PPP3CA: variants seen among roughly 807,000 people sequenced by gnomAD.
PPP3CA encodes the protein CAM-PRP catalytic subunit.
PPP3CA carries 14 observed loss-of-function variants against 66.5 expected under a neutral mutation model. The observed-to-expected ratio is 0.21, with a 90% CI of 0.14 to 0.33. The LOEUF (loss-of-function observed/expected upper bound fraction) is 0.33, where lower values mean the gene tolerates loss of function less well. PPP3CA is among the 10% of genes least tolerant of loss of function. PPP3CA has a pLI of 1.00. For missense variants in PPP3CA, 317 were observed against 639.5 expected, an observed-to-expected ratio of 0.50 and a Z score of 5.44; for synonymous variants, 232 against 226.2, an observed-to-expected ratio of 1.03 and a Z score of -0.23.
At chr4:101,124,707 AAGAAAGAAAGAAAGAAAGAG>A (rs1560614356) in intron 2 of PPP3CA, among the ~76,000 whole-genome samples, 4 of 105,134 alleles carry the variant, frequency 3.8e-5, no homozygotes, top group African/African-American at 1.2e-4. Flanking sequence ...GAAAGAAAGA[AAGAAAGAAAGAAAGAAAGAG>A]AAAGAAAGAA....
chr4:101,339,395 AAGAC>A (rs916542767), intron 1 of PPP3CA, among the ~76,000 whole-genome samples: 1 of 152,222 alleles, frequency 6.6e-6, no homozygotes, highest in African/African-American at 2.4e-5. Flanking sequence ...TAAAAACTGA[AAGAC>A]AGCTGTCAGG....
chr4:101,107,003 C>T (rs1730783823), intron 3 of PPP3CA, among the ~76,000 whole-genome samples: 1 of 152,144 alleles, frequency 6.6e-6, no homozygotes, highest in African/African-American at 2.4e-5. Context: ...GACACCAGTC[C>T]TAATGTGATA....
rs1159093287 is a variant in PPP3CA, at chr4:101,196,193, C to T, written c.59-77G>A. The T allele has an allele frequency of 4.6e-6, 6 of 1,309,202 alleles. No homozygotes were observed. In the African/African-American group the frequency reaches 7.4e-5, roughly 16 times the overall value. The allele number at this position is 1,309,202 out of a possible 1,614,324, so 81.1% of individuals were successfully genotyped here. A position where few individuals can be genotyped will look rare whatever the true frequency, so the allele number is the denominator to read the frequency against. ...AATGCAATAATAACCACCAAATATC[C>T]ATCCTCATCACAAACCAACTAATAT... On this transcript the variant is annotated intron_variant, in intron 1 of 13. Transcript: ENST00000394854.
intron 2 of PPP3CA, among the ~76,000 whole-genome samples, chr4:101,156,199 T>A (rs1015124394): frequency 2.6e-5 from 4 of 152,178 alleles, no homozygotes; most frequent in African/African-American, 9.7e-5. Flanking sequence ...TTCTTTTCAG[T>A]GAGTCAATCC....
intron 1 of PPP3CA, among the ~76,000 whole-genome samples, chr4:101,254,225 T>C (rs1319901614): frequency 1.3e-5 from 2 of 152,016 alleles, no homozygotes; most frequent in Non-Finnish European, 2.9e-5. Context: ...TGGGAGGATA[T>C]AGCTGGGTCC....
At chr4:101,216,158 G>T (rs967209255) in intron 1 of PPP3CA, among the ~76,000 whole-genome samples, 2 of 152,058 alleles carry the variant, frequency 1.3e-5, no homozygotes, top group Admixed American at 1.3e-4. Context: ...GCAAAGGAAA[G>T]ATATTTCATA....
chr4:101,338,885 T>C (rs1729719703), intron 1 of PPP3CA, among the ~76,000 whole-genome samples: 1 of 152,138 alleles, frequency 6.6e-6, no homozygotes, highest in African/African-American at 2.4e-5. Flanking sequence ...AAACAAAAAA[T>C]AAAACAAACT....
rs143031098 is a variant in PPP3CA at position 101,242,896 on chromosome 4, C to A, written c.59-46780G>T. 3.1e-3 allele frequency among the ~76,000 whole-genome samples: 477 copies of A among 152,252 alleles called. 2 individuals carry two copies. Among genetic ancestry groups the A allele is most frequent in the African/African-American group, 0.011 (451 of 41,538 alleles). The stretch of plus-strand genomic sequence containing the variant: ...TAAGCTATGATCACATACTGCACTC[C>A]AGCCTAGGTAACACAGAGAAACCTC... On this transcript the variant is annotated intron_variant, in intron 1 of 13. Coordinates refer to ENST00000394854, the MANE Select transcript of PPP3CA (RefSeq NM_000944.5).
intron 1 of PPP3CA, among the ~76,000 whole-genome samples, chr4:101,268,376 A>G (rs1727233443): frequency 6.6e-6 from 1 of 152,142 alleles, no homozygotes; most frequent in Non-Finnish European, 1.5e-5. Flanking sequence ...TACATTCTTA[A>G]GCTGGTACAC....
rs939988170 is a variant in PPP3CA at position 101,075,706 on chromosome 4, C to T, written c.955+4826G>A. Among the ~76,000 whole-genome samples the T allele has an allele frequency of 2.6e-5, 4 of 152,098 alleles. No homozygotes were observed. The South Asian group carries it at 8.3e-4, about 31-fold the overall frequency. On this transcript the variant is annotated intron_variant, in intron 8 of 13. Transcript: ENST00000394854. ...TAAGCCAATGTTCACATCTGCCACTCTATTTCTCAATCCAGAGAGATTTTA... is the reference window on the plus strand; with the variant it reads ...TAAGCCAATGTTCACATCTGCCACTTTATTTCTCAATCCAGAGAGATTTTA...
intron 5 of PPP3CA, 131 bp downstream of exon 5, chr4:101,098,236 G>C: frequency 1.0e-6 from 1 of 979,542 alleles, no homozygotes; most frequent in East Asian, 3.3e-5. Flanking sequence ...ACACAAAGGA[G>C]CGATTCATGA....
chr4:101,301,251 C>T (rs1161156329), intron 1 of PPP3CA, among the ~76,000 whole-genome samples: 1 of 151,568 alleles, frequency 6.6e-6, no homozygotes, highest in East Asian at 1.9e-4. Flanking sequence ...ATTGTGTTTA[C>T]TGAAACTACA....
chr4:101,242,628 A>G (rs1202118067), intron 1 of PPP3CA, among the ~76,000 whole-genome samples: 1 of 152,162 alleles, frequency 6.6e-6, no homozygotes, highest in Non-Finnish European at 1.5e-5. Context: ...CATTATCGAA[A>G]TATGTTACAT....
At chr4:101,203,472 G>A (rs1725033404) in intron 1 of PPP3CA, among the ~76,000 whole-genome samples, 1 of 152,130 alleles carries the variant, frequency 6.6e-6, no homozygotes, top group Non-Finnish European at 1.5e-5. Context: ...TCCAGCCTGG[G>A]CGACAGAGCA....
At chr4:101,176,908 A>G (rs1275105658) in intron 2 of PPP3CA, among the ~76,000 whole-genome samples, 1 of 152,156 alleles carries the variant, frequency 6.6e-6, no homozygotes, top group Non-Finnish European at 1.5e-5. Flanking sequence ...CCTTTTCACC[A>G]TGCTTTTTTC....
At chr4:101,048,825 A>G (rs1020946345) in intron 10 of PPP3CA, among the ~76,000 whole-genome samples, 8 of 152,108 alleles carry the variant, frequency 5.3e-5, no homozygotes, top group Admixed American at 6.6e-5. Flanking sequence ...AGAGCCTGCA[A>G]TGAATGGTGT....
At chr4:101,123,513 G>A (rs1257517305) in intron 2 of PPP3CA, among the ~76,000 whole-genome samples, 2 of 152,180 alleles carry the variant, frequency 1.3e-5, no homozygotes, top group African/African-American at 4.8e-5. Flanking sequence ...GGTGTGGAAT[G>A]AAAAGATATG....
intron 3 of PPP3CA, among the ~76,000 whole-genome samples, chr4:101,105,580 AC>A (rs1321912760): frequency 6.6e-6 from 1 of 152,208 alleles, no homozygotes; most frequent in Non-Finnish European, 1.5e-5. Flanking sequence ...AAGAAAAAAA[AC>A]AAAAAACAAA....
chr4:101,333,592 C>T (rs1729520557), intron 1 of PPP3CA, among the ~76,000 whole-genome samples: 1 of 152,054 alleles, frequency 6.6e-6, no homozygotes, highest in African/African-American at 2.4e-5. Flanking sequence ...CACAGAATGG[C>T]ATTCAGTGTT....
Sources: gnomAD v4.1 joint callset for allele counts (sites outside exome capture counted in the v4.1 genomes callset) on GRCh38, gnomAD v4.1.1 for gene constraint, MANE v1.5 for transcripts, NCBI Gene and HGNC (gene_info 2026-07-23, HGNC 2026-07-21) for gene names.